TCERG1L: variants seen among roughly 807,000 people sequenced by gnomAD.
TCERG1L encodes transcription elongation regulator 1 like, also known as transcription elongation regulator 1-like protein.
In TCERG1L, 37 loss-of-function variants were observed where a neutral mutation model predicts 56.3. That is an observed-to-expected ratio of 0.66 (90% CI 0.51 to 0.87). TCERG1L has a LOEUF of 0.87. Among genes scored for constraint, TCERG1L ranks in the 40% least tolerant of loss-of-function variants. TCERG1L has a pLI of 0.00. For synonymous variants in TCERG1L, 324 were observed against 326.3 expected (o/e 0.99, Z 0.08); for missense variants, 799 against 774.2 (o/e 1.03, Z -0.38).
At position 131,227,527 on chromosome 10, in the gene TCERG1L, C is replaced by A. The variant is rs190960217; in HGVS notation, c.856+32732G>T. ...CACACCTAATATAGACCTGAGATAG[C>A]AAACACCTGCCAGGAATGTCCCACT... On this transcript the variant is annotated intron_variant, in intron 4 of 11. Coordinates refer to ENST00000368642, the MANE Select transcript of TCERG1L (RefSeq NM_174937.4). Among the ~76,000 whole-genome samples, 239 of 152,322 alleles carry A rather than the reference C, an allele frequency of 1.6e-3. 4 individuals are homozygous for A. The East Asian group carries it at 0.035, about 22-fold the overall frequency.
intron 4 of TCERG1L, among the ~76,000 whole-genome samples, chr10:131,247,449 C>T (rs1421310915): frequency 6.6e-6 from 1 of 152,190 alleles, no homozygotes; most frequent in Non-Finnish European, 1.5e-5. Flanking sequence ...TCCCCAGGAG[C>T]TCCTTCCTTA....
At chr10:131,298,702 C>T (rs747243944) in intron 3 of TCERG1L, among the ~76,000 whole-genome samples, 22 of 152,222 alleles carry the variant, frequency 1.4e-4, no homozygotes, top group Non-Finnish European at 1.9e-4. Context: ...GCATGAGCCA[C>T]GGCGTCCAGC....
intron 3 of TCERG1L, among the ~76,000 whole-genome samples, chr10:131,271,549 C>T (rs760392368): frequency 6.6e-6 from 1 of 152,218 alleles, no homozygotes; most frequent in African/African-American, 2.4e-5. Flanking sequence ...AGCGTGCTGG[C>T]GTCATGGGCT....
chr10:131,203,719 C>A (rs1164946749), intron 4 of TCERG1L, among the ~76,000 whole-genome samples: 1 of 152,196 alleles, frequency 6.6e-6, no homozygotes, highest in East Asian at 1.9e-4. Context: ...GGGGAAGGCA[C>A]TCTCCTAACT....
chr10:131,176,911 CCA>C (rs1846163099), intron 4 of TCERG1L, among the ~76,000 whole-genome samples: 6 of 152,188 alleles, frequency 3.9e-5, no homozygotes, highest in African/African-American at 1.2e-4. Context: ...CATTCACACA[CCA>C]AGATACATGC....
At chr10:131,187,150 G>A (rs1308063361) in intron 4 of TCERG1L, among the ~76,000 whole-genome samples, 1 of 152,232 alleles carries the variant, frequency 6.6e-6, no homozygotes, top group Non-Finnish European at 1.5e-5. Context: ...GCCAAGAAGT[G>A]GGCAGAGGAC....
chr10:131,295,816 G>A (rs1009661382), intron 3 of TCERG1L, among the ~76,000 whole-genome samples: 3 of 152,134 alleles, frequency 2.0e-5, no homozygotes, highest in Non-Finnish European at 1.5e-5. Context: ...CAGTGGTAAC[G>A]ACCTCTAGAA....
intron 4 of TCERG1L, among the ~76,000 whole-genome samples, chr10:131,212,605 T>C (rs1254078916): frequency 6.6e-6 from 1 of 152,226 alleles, no homozygotes; most frequent in Non-Finnish European, 1.5e-5. Flanking sequence ...GATAATGCTT[T>C]GAAGGGTCTT....
At chr10:131,224,836 C>T (rs1365971475) in intron 4 of TCERG1L, among the ~76,000 whole-genome samples, 1 of 151,490 alleles carries the variant, frequency 6.6e-6, no homozygotes, top group Non-Finnish European at 1.5e-5. Context: ...CTGGCAAGAT[C>T]TCATTTTGAT....
At chr10:131,245,361 C>A (rs920305) in intron 4 of TCERG1L, among the ~76,000 whole-genome samples, 2 of 152,266 alleles carry the variant, frequency 1.3e-5, no homozygotes, top group East Asian at 1.9e-4. Flanking sequence ...TAAATTATTT[C>A]TGGGAATAAC....
intron 4 of TCERG1L, among the ~76,000 whole-genome samples, chr10:131,225,497 C>T (rs887556757): frequency 4.6e-5 from 7 of 152,212 alleles, no homozygotes; most frequent in Admixed American, 3.3e-4. Flanking sequence ...GAGGCTCTCC[C>T]GATGCCTCCG....
At chr10:131,246,241 G>T (rs1014472595) in intron 4 of TCERG1L, among the ~76,000 whole-genome samples, 3 of 152,224 alleles carry the variant, frequency 2.0e-5, no homozygotes, top group African/African-American at 7.2e-5. Context: ...CTTTCTGGGG[G>T]TGGCACGAGC....
chr10:131,279,726 G>A (rs989067760), intron 3 of TCERG1L, among the ~76,000 whole-genome samples: 32 of 152,348 alleles, frequency 2.1e-4, no homozygotes, highest in African/African-American at 7.5e-4. Context: ...ACCCTTGACT[G>A]AGCCAGGGAA....
In TCERG1L at chr10:131,311,651, T is replaced by TGAC. The variant is rs1471166546; in HGVS notation, c.-19_-17dup. On this transcript the variant is annotated 5_prime_UTR_variant, in exon 1 of 12. Coordinates refer to ENST00000368642, the MANE Select transcript of TCERG1L (RefSeq NM_174937.4). The surrounding 1 kb of genome is among the most constrained non-coding windows in gnomAD (Gnocchi z 4.0). ...CCGCCTGCATCCTACATCCCCGCGC[T>TGAC]GACGGCGGCGGCGGGGGCGGCGGGC... 17 of 1,006,826 alleles carry TGAC rather than the reference T, an allele frequency of 1.7e-5. No homozygotes were observed. Among genetic ancestry groups the TGAC allele is most frequent in the South Asian group, 9.6e-5 (2 of 20,804 alleles). 62.4% of individuals were successfully genotyped at this position (1,006,826 alleles called of 1,614,324 possible). A position where few individuals can be genotyped will look rare whatever the true frequency, so the allele number is the denominator to read the frequency against.
chr10:131,253,392 T>C (rs1235701360), intron 4 of TCERG1L, among the ~76,000 whole-genome samples: 2 of 152,130 alleles, frequency 1.3e-5, no homozygotes, highest in African/African-American at 4.8e-5. Flanking sequence ...CCCCCCAGCT[T>C]TCAGTAATGG....
intron 4 of TCERG1L, among the ~76,000 whole-genome samples, chr10:131,244,070 A>G (rs1846001724): frequency 6.6e-6 from 1 of 152,256 alleles, no homozygotes; most frequent in Non-Finnish European, 1.5e-5. Flanking sequence ...TAAAATTGAC[A>G]CACCCAGAGA....
intron 4 of TCERG1L, among the ~76,000 whole-genome samples, chr10:131,234,729 T>A (rs1162028729): frequency 9.4e-6 from 1 of 106,944 alleles, no homozygotes; most frequent in Non-Finnish European, 1.8e-5. Context: ...TGAGACGGAG[T>A]CTTCTTGCTC....
chr10:131,256,871 C>T (rs567853966), intron 4 of TCERG1L, among the ~76,000 whole-genome samples: 111 of 144,724 alleles, frequency 7.7e-4, no homozygotes, highest in African/African-American at 2.7e-3. Flanking sequence ...GGCGACAGAT[C>T]GAGACTCCAT....
Position 131,093,330 on chromosome 10 carries a change from A to C in TCERG1L, c.1605-12T>G, listed in dbSNP as rs769211374. The C allele has an allele frequency of 1.3e-6, 2 of 1,589,612 alleles. No individual in the cohort carries two copies. The highest frequency in any genetic ancestry group is 4.5e-5 in the East Asian group (2 of 44,840). ...CCTTAAACGTGGTCCTGAAAAAGAAAGAGTTTCCTGAGACACCTTCCAGAG... is the reference window on the plus strand; with the variant it reads ...CCTTAAACGTGGTCCTGAAAAAGAACGAGTTTCCTGAGACACCTTCCAGAG... On this transcript the variant is annotated splice_polypyrimidine_tract_variant and intron_variant, in intron 11 of 11. Transcript: ENST00000368642.
Sources: allele counts gnomAD v4.1 joint callset (sites outside exome capture counted in the v4.1 genomes callset), GRCh38; gene constraint gnomAD v4.1.1; non-coding constraint Gnocchi (gnomAD v3.1); transcripts MANE v1.5; gene names NCBI Gene and HGNC (gene_info 2026-07-23, HGNC 2026-07-21).